The following EDDM3A variants were observed in gnomAD, a reference collection of about 807,000 sequenced individuals.
EDDM3A encodes epididymal secretory protein E3-alpha.
For synonymous variants in EDDM3A, 75 were observed against 60.4 expected (o/e 1.24, Z -1.12); for missense variants, 199 against 177.4 (o/e 1.12, Z -0.69).
chr14:20,742,035 G>A (rs865807196), upstream of EDDM3A, among the ~76,000 whole-genome samples: 2 of 152,252 alleles, frequency 1.3e-5, no homozygotes, highest in African/African-American at 2.4e-5. Context: ...TCGATTTCTT[G>A]GGACATCATC....
chr14:20,737,291 A>G, the EDDM3A span, among the ~76,000 whole-genome samples: 1 of 151,974 alleles, frequency 6.6e-6, no homozygotes, highest in South Asian at 2.1e-4. Flanking sequence ...CCTGACCTCA[A>G]GTGATAGTGA....
upstream of EDDM3A, among the ~76,000 whole-genome samples, chr14:20,744,146 T>TCAAATCATC (rs1440512325): frequency 6.6e-6 from 1 of 152,166 alleles, no homozygotes; most frequent in Non-Finnish European, 1.5e-5. Context: ...GAATCGCCTC[T>TCAAATCATC]CAAATCATCC....
chr14:20,743,692 C>T (rs1219517073), upstream of EDDM3A, among the ~76,000 whole-genome samples: 1 of 151,974 alleles, frequency 6.6e-6, no homozygotes, highest in African/African-American at 2.4e-5. Context: ...AAAGTCACTG[C>T]CCAAGGAGCT....
At chr14:20,742,088 G>A (rs1490301682), upstream of EDDM3A, among the ~76,000 whole-genome samples, 1 of 152,164 alleles carries the variant, frequency 6.6e-6, no homozygotes, top group Admixed American at 6.5e-5. Flanking sequence ...TCCCCAGGAT[G>A]GGTGAATATT....
chr14:20,742,413 T>C (rs1326008731), upstream of EDDM3A, among the ~76,000 whole-genome samples: 1 of 152,246 alleles, frequency 6.6e-6, no homozygotes, highest in East Asian at 1.9e-4. Flanking sequence ...AAATCTTATC[T>C]GGACTTCTCT....
At chr14:20,745,663 C>G (rs985484753), upstream of EDDM3A, among the ~76,000 whole-genome samples, 2 of 152,154 alleles carry the variant, frequency 1.3e-5, no homozygotes, top group African/African-American at 4.8e-5. Flanking sequence ...ACCAGATAAC[C>G]CTTTTCTGGG....
chr14:20,747,931 C>A lies in EDDM3A; in HGVS notation c.351C>A (p.Ser117Arg), dbSNP rs559627694. 4.3e-6 allele frequency: 7 copies of A among 1,614,082 alleles called. No homozygotes were observed. In the African/African-American group the frequency reaches 9.3e-5, roughly 22 times the overall value. The change falls in exon 2 of 2, where the codon AGC (serine) becomes AGA (arginine). Residue 117 changes from serine (S) to arginine (R), a missense_variant. Coordinates refer to ENST00000326842, the MANE Select transcript of EDDM3A (RefSeq NM_006683.5). ...AGTACAACAATAGGTACACAGAGAG[C>A]AGAAGCTTCAGCTACATTGAATTCC... ...WEKYNNRYTE[S>R]RSFSYIEFHC...
the EDDM3A span, among the ~76,000 whole-genome samples, chr14:20,737,703 A>C: frequency 6.6e-6 from 1 of 152,224 alleles, no homozygotes; most frequent in East Asian, 1.9e-4. Flanking sequence ...TTAAAATACA[A>C]TGGTCCTCAA....
At position 20,748,142 on chromosome 14, in the gene EDDM3A, C is replaced by G; in HGVS notation, c.*118C>G. On this transcript the variant is annotated 3_prime_UTR_variant, in exon 2 of 2. Transcript: ENST00000326842. ...CTTACATTTATGTGTCAGTGTTTTC[C>G]AACTACTTAGAGTTTATGTACCTCG... The G allele has an allele frequency of 1.4e-6, 1 of 713,168 alleles. No individual in the cohort carries two copies. The highest frequency in any genetic ancestry group is 2.7e-5 in the East Asian group (1 of 37,598). The allele number at this position is 713,168 out of a possible 1,614,324, so 44.2% of individuals were successfully genotyped here.
chr14:20,742,231 C>G (rs963495266), upstream of EDDM3A, among the ~76,000 whole-genome samples: 2 of 152,144 alleles, frequency 1.3e-5, no homozygotes, highest in Admixed American at 6.5e-5. Context: ...GATGGGAAAC[C>G]AGATAGTGCT....
At chr14:20,740,309 G>T in the EDDM3A span, among the ~76,000 whole-genome samples, 1 of 152,216 alleles carries the variant, frequency 6.6e-6, no homozygotes, top group Admixed American at 6.5e-5. Context: ...ATTTGTCCAT[G>T]GTTCGATACT....
At chr14:20,746,727 G>T (rs887288451) in intron 1 of EDDM3A, among the ~76,000 whole-genome samples, 5 of 152,184 alleles carry the variant, frequency 3.3e-5, no homozygotes, top group African/African-American at 1.2e-4. Flanking sequence ...GTGTTATAAG[G>T]AAGTCAAGGT....
upstream of EDDM3A, among the ~76,000 whole-genome samples, chr14:20,742,330 G>A (rs1415217446): frequency 1.3e-5 from 2 of 152,228 alleles, no homozygotes; most frequent in Non-Finnish European, 2.9e-5. Context: ...GAGGTATGAG[G>A]AAGTATTCAG....
chr14:20,737,974 G>A, the EDDM3A span, among the ~76,000 whole-genome samples: 1 of 152,324 alleles, frequency 6.6e-6, no homozygotes, highest in Non-Finnish European at 1.5e-5. Flanking sequence ...AACAATTAGA[G>A]AAAAGACCAA....
the EDDM3A span, among the ~76,000 whole-genome samples, chr14:20,738,951 A>G: frequency 6.6e-6 from 1 of 152,236 alleles, no homozygotes; most frequent in Non-Finnish European, 1.5e-5. Flanking sequence ...ACCTTTCTCT[A>G]TCTGGCACAG....
chr14:20,742,153 G>C (rs558155359), upstream of EDDM3A, among the ~76,000 whole-genome samples: 4 of 152,270 alleles, frequency 2.6e-5, no homozygotes, highest in Admixed American at 2.6e-4. Flanking sequence ...GCAGCAACTG[G>C]CTCAGAATTT....
intron 1 of EDDM3A, among the ~76,000 whole-genome samples, chr14:20,746,486 C>T (rs3790066): frequency 0.025 from 3,853 of 152,266 alleles, 171 homozygotes; most frequent in East Asian, 0.21. Context: ...CTTTTTCAAA[C>T]GACCATACAT....
At chr14:20,747,160 G>A (rs1473100198) in intron 1 of EDDM3A, among the ~76,000 whole-genome samples, 3 of 145,412 alleles carry the variant, frequency 2.1e-5, no homozygotes, top group Non-Finnish European at 4.5e-5. Context: ...CCGGAGTGCA[G>A]AGGTGTGATG....
the EDDM3A span, among the ~76,000 whole-genome samples, chr14:20,736,344 G>C: frequency 7.2e-5 from 11 of 152,156 alleles, no homozygotes; most frequent in South Asian, 2.3e-3. Context: ...TCCCGACCTC[G>C]GGTGATTTTC....
Sources: gnomAD v4.1 joint callset for allele counts (sites outside exome capture counted in the v4.1 genomes callset) on GRCh38, gnomAD v4.1.1 for gene constraint, MANE v1.5 for transcripts, NCBI Gene and HGNC (gene_info 2026-07-23, HGNC 2026-07-21) for gene names.